The following SP4 variants were observed in gnomAD, a reference collection of about 807,000 sequenced individuals.
The protein encoded by SP4 is Sp4 transcription factor, also known as transcription factor Sp4.
Under a neutral mutation model 72.8 loss-of-function variants are expected in SP4, and 19 were observed. The ratio of observed to expected loss-of-function variants is 0.26; its 90% CI spans 0.18 to 0.38. The LOEUF (loss-of-function observed/expected upper bound fraction) is 0.38, where lower values mean the gene tolerates loss of function less well. Ranked by LOEUF, SP4 falls within the 10% of genes least tolerant of loss-of-function variation. SP4 has a pLI of 1.00. For missense variants in SP4, 1,008 were observed against 926.3 expected, an observed-to-expected ratio of 1.09 and a Z score of -1.14; for synonymous variants, 395 against 333.1, an observed-to-expected ratio of 1.19 and a Z score of -2.02.
intron 3 of SP4, among the ~76,000 whole-genome samples, chr7:21,476,783 A>T (rs1460006047): frequency 6.6e-6 from 1 of 152,228 alleles, no homozygotes; most frequent in Non-Finnish European, 1.5e-5. Context: ...TTTAGTGAGT[A>T]GGTAAGTGGC....
At chr7:21,439,028 T>A (rs1783143713) in intron 3 of SP4, among the ~76,000 whole-genome samples, 1 of 152,242 alleles carries the variant, frequency 6.6e-6, no homozygotes, top group South Asian at 2.1e-4. Context: ...TATGTATGTA[T>A]GTATGTATGA....
intron 3 of SP4, among the ~76,000 whole-genome samples, chr7:21,468,562 G>A (rs935409408): frequency 6.6e-6 from 1 of 151,520 alleles, no homozygotes; most frequent in African/African-American, 2.4e-5. Flanking sequence ...GATATGGTTG[G>A]GAACTGTTGC....
intron 3 of SP4, among the ~76,000 whole-genome samples, chr7:21,438,023 CGTA>C (rs910809291): frequency 2.6e-4 from 38 of 145,512 alleles, no homozygotes; most frequent in African/African-American, 9.3e-4. Context: ...TTTTTTCTAA[CGTA>C]GTTCTATAAT....
chr7:21,430,107 G>T lies in SP4; in HGVS notation c.942G>T (p.Met314Ile). The T allele has an allele frequency of 6.2e-7, 1 of 1,614,112 alleles. No homozygotes were observed. Among genetic ancestry groups the T allele is most frequent in the African/African-American group, 1.3e-5 (1 of 75,010 alleles). The part of the protein sequence containing the change: ...PTNTTTSAST[M>I]PESPSSSTTC... Reference sequence around the variant, plus strand: ...ACACCACTACTTCTGCCAGTACTATGCCAGAATCTCCCTCCTCCTCCACTA... The same window carrying T: ...ACACCACTACTTCTGCCAGTACTATTCCAGAATCTCCCTCCTCCTCCACTA... Residue 314 changes from methionine (M) to isoleucine (I), a missense_variant, in exon 3 of 6, where the codon ATG (methionine) becomes ATT (isoleucine). This residue lies in a region of SP4 where 893 missense variants were observed against 743.3 expected (regional missense o/e 1.20). Coordinates refer to ENST00000222584, the MANE Select transcript of SP4 (RefSeq NM_003112.5).
chr7:21,496,569 CTT>C (rs1781713072), intron 5 of SP4, among the ~76,000 whole-genome samples: 1 of 152,108 alleles, frequency 6.6e-6, no homozygotes, highest in African/African-American at 2.4e-5. Context: ...TAGATTTTCT[CTT>C]TGTCTTTGTC....
chr7:21,432,396 GTTACT>G (rs1426759076), intron 3 of SP4, among the ~76,000 whole-genome samples: 6 of 152,340 alleles, frequency 3.9e-5, no homozygotes, highest in South Asian at 2.1e-4. Flanking sequence ...CAAAGCAGAA[GTTACT>G]TCACTTCCAT....
intron 3 of SP4, among the ~76,000 whole-genome samples, chr7:21,438,860 A>G (rs1783138490): frequency 6.6e-6 from 1 of 152,232 alleles, no homozygotes. Context: ...GTGGTATCAC[A>G]GTGTGTTCAA....
chr7:21,508,472 G>A (rs759261295), intron 5 of SP4, among the ~76,000 whole-genome samples: 17 of 152,074 alleles, frequency 1.1e-4, no homozygotes, highest in Non-Finnish European at 1.8e-4. Flanking sequence ...GATTACAGGC[G>A]TGCATCACCA....
At chr7:21,432,962 C>T (rs1404732151) in intron 3 of SP4, among the ~76,000 whole-genome samples, 1 of 152,160 alleles carries the variant, frequency 6.6e-6, no homozygotes, top group Non-Finnish European at 1.5e-5. Flanking sequence ...TCACTGCACT[C>T]CCACCTGAGT....
intron 3 of SP4, among the ~76,000 whole-genome samples, chr7:21,475,355 C>A (rs1386759975): frequency 6.6e-6 from 1 of 152,100 alleles, no homozygotes; most frequent in Non-Finnish European, 1.5e-5. Context: ...ACCTCGTGTT[C>A]CACCTGCCTC....
At chr7:21,495,577 A>G (rs1428520807) in intron 5 of SP4, among the ~76,000 whole-genome samples, 1 of 152,176 alleles carries the variant, frequency 6.6e-6, no homozygotes, top group African/African-American at 2.4e-5. Context: ...AATCAAAAGC[A>G]AGAACCATGA....
chr7:21,481,862 T>G, intron 4 of SP4, 62 bp from the exon 5 acceptor site: 3 of 1,157,392 alleles, frequency 2.6e-6, no homozygotes, highest in Non-Finnish European at 3.9e-6. Flanking sequence ...TTTTTAATTT[T>G]TCTATAATTG....
chr7:21,440,043 A>G (rs2128393917), intron 3 of SP4, among the ~76,000 whole-genome samples: 1 of 152,332 alleles, frequency 6.6e-6, no homozygotes, highest in East Asian at 1.9e-4. Context: ...CCTGTGCTTG[A>G]TCAGAGGTAT....
At chr7:21,465,411 A>G (rs1402547350) in intron 3 of SP4, among the ~76,000 whole-genome samples, 4 of 151,954 alleles carry the variant, frequency 2.6e-5, no homozygotes, top group Admixed American at 1.3e-4. Context: ...AGGCTGACCT[A>G]GGTTCACATC....
chr7:21,508,224 G>C (rs1322959156), intron 5 of SP4, among the ~76,000 whole-genome samples: 1 of 152,148 alleles, frequency 6.6e-6, no homozygotes, highest in Non-Finnish European at 1.5e-5. Flanking sequence ...ATCCCAGACA[G>C]GCCCCCAGGT....
At chr7:21,450,868 C>T (rs1329527176) in intron 3 of SP4, among the ~76,000 whole-genome samples, 2 of 152,020 alleles carry the variant, frequency 1.3e-5, no homozygotes, top group Non-Finnish European at 2.9e-5. Context: ...GACTAAGGCA[C>T]GTTTTAGAGC....
chr7:21,487,302 T>C lies in SP4; in HGVS notation c.2107+5179T>C, dbSNP rs191547920. On this transcript the variant is annotated intron_variant, in intron 5 of 5. Coordinates refer to ENST00000222584, the MANE Select transcript of SP4 (RefSeq NM_003112.5). ...TCTGAGAATAGATTTTTATTTGTTG[T>C]GCTAATGACTTGTACTCTGGGTCAC... 9.3e-3 allele frequency among the ~76,000 whole-genome samples: 1,421 copies of C among 152,096 alleles called. 26 individuals carry two copies. The highest frequency in any genetic ancestry group is 0.032 in the African/African-American group (1,325 of 41,472).
chr7:21,500,345 T>G (rs1473709650), intron 5 of SP4, among the ~76,000 whole-genome samples: 1 of 152,178 alleles, frequency 6.6e-6, no homozygotes, highest in Non-Finnish European at 1.5e-5. Context: ...GTAACTAGAT[T>G]AGTTTTCTAT....
intron 3 of SP4, among the ~76,000 whole-genome samples, chr7:21,456,006 C>A (rs890686970): frequency 1.3e-5 from 2 of 152,076 alleles, no homozygotes; most frequent in Non-Finnish European, 2.9e-5. Context: ...GGAAGTAATT[C>A]GTGAAATGGA....
Sources: allele counts gnomAD v4.1 joint callset (sites outside exome capture counted in the v4.1 genomes callset), GRCh38; gene constraint gnomAD v4.1.1; regional missense constraint gnomAD v4.1.1; transcripts MANE v1.5; gene names NCBI Gene and HGNC (gene_info 2026-07-23, HGNC 2026-07-21).